The following PYGB variants were observed in gnomAD, a reference collection of about 807,000 sequenced individuals.
The protein encoded by PYGB is glycogen phosphorylase, brain form.
In PYGB, 82 loss-of-function variants were observed where a neutral mutation model predicts 94.3. The observed-to-expected ratio is 0.87, with a 90% CI of 0.73 to 1.04. The LOEUF (loss-of-function observed/expected upper bound fraction) is 1.04. PYGB is among the 50% of genes least tolerant of loss of function. The pLI, the probability that PYGB is intolerant of heterozygous loss-of-function variation, is 0.00. For synonymous variants in PYGB, 488 were observed against 479.1 expected, an observed-to-expected ratio of 1.02 and a Z score of -0.24; for missense variants, 1,132 against 1,158.2, an observed-to-expected ratio of 0.98 and a Z score of 0.33.
intron 1 of PYGB, among the ~76,000 whole-genome samples, chr20:25,257,258 C>G (rs1008877783): frequency 6.6e-6 from 1 of 152,250 alleles, no homozygotes; most frequent in Admixed American, 6.5e-5. Flanking sequence ...ATTGCAGTCC[C>G]CAAGGACAGA....
Position 25,278,405 on chromosome 20 carries a change from G to A in PYGB, c.942G>A (p.Ser314=), listed in dbSNP as rs572592143. 12 of 1,614,188 alleles carry A rather than the reference G, an allele frequency of 7.4e-6. No individual in the cohort carries two copies. The highest frequency in any genetic ancestry group is 4.4e-5 in the South Asian group (4 of 91,084). ...AGGACATCATCCGCCGCTTCAAGTC[G>A]TCCAAGTTCGGCTGCCGGGACCCTG... ...TLQDIIRRFK[S]SKFGCRDPVR... Residue 314 remains serine (S), a synonymous_variant, in exon 8 of 20, where the codon TCG becomes TCA. Coordinates refer to ENST00000216962, the MANE Select transcript of PYGB (RefSeq NM_002862.4).
intron 7 of PYGB, among the ~76,000 whole-genome samples, chr20:25,277,905 T>C (rs2088328090): frequency 6.6e-6 from 1 of 152,214 alleles, no homozygotes. Flanking sequence ...GGGCAGAGCA[T>C]GTTTAAAAGT....
chr20:25,262,189 AAGTTG>A (rs1352606374), intron 2 of PYGB, among the ~76,000 whole-genome samples: 4 of 152,234 alleles, frequency 2.6e-5, no homozygotes, highest in African/African-American at 4.8e-5. Flanking sequence ...AGATTCACCA[AAGTTG>A]AAATGAAGGA....
intron 9 of PYGB, 143 bp from the exon 10 acceptor site, chr20:25,280,123 C>A: frequency 2.0e-6 from 2 of 1,001,794 alleles, no homozygotes; most frequent in Non-Finnish European, 2.9e-6. Flanking sequence ...TCCAGATCCA[C>A]CTTGGAGAGC....
chr20:25,288,639 C>A, intron 15 of PYGB, 156 bp downstream of exon 15: 1 of 834,126 alleles, frequency 1.2e-6, no homozygotes, highest in Non-Finnish European at 1.9e-6. Context: ...GGGTGGGGAC[C>A]CTGTAGAGAG....
chr20:25,287,305 G>A (rs866017229), intron 14 of PYGB, among the ~76,000 whole-genome samples: 1 of 152,202 alleles, frequency 6.6e-6, no homozygotes, highest in African/African-American at 2.4e-5. Context: ...CAGCCACAAG[G>A]CTGAGGTTGC....
intron 14 of PYGB, 48 bp from the exon 15 acceptor site, chr20:25,288,377 C>G: frequency 6.2e-7 from 1 of 1,608,894 alleles, no homozygotes; most frequent in Admixed American, 1.7e-5. Context: ...AGCAGGGGCT[C>G]GTCCGGCTCG....
intron 2 of PYGB, among the ~76,000 whole-genome samples, chr20:25,259,909 A>G (rs1376876717): frequency 6.6e-6 from 1 of 152,066 alleles, no homozygotes; most frequent in Non-Finnish European, 1.5e-5. Flanking sequence ...TTCCCTTCCC[A>G]GCTGAGTCTC....
chr20:25,248,559 G>T, intron 1 of PYGB, 138 bp downstream of exon 1: 2 of 1,137,166 alleles, frequency 1.8e-6, no homozygotes, highest in African/African-American at 3.2e-5. Context: ...AGGCACAGCC[G>T]ACTGGGGAGT....
chr20:25,271,601 C>T (rs541878248), intron 4 of PYGB, 115 bp downstream of exon 4: 53 of 1,144,010 alleles, frequency 4.6e-5, no homozygotes, highest in South Asian at 2.2e-4. Flanking sequence ...GACTGCAGGC[C>T]GGCCAGGGCA....
intron 5 of PYGB, among the ~76,000 whole-genome samples, chr20:25,275,536 T>C (rs532135129): frequency 2.0e-5 from 3 of 152,356 alleles, no homozygotes; most frequent in Non-Finnish European, 4.4e-5. Flanking sequence ...GTCTTGACTT[T>C]GTAGGACACA....
intron 1 of PYGB, among the ~76,000 whole-genome samples, chr20:25,250,489 G>C (rs2145125): frequency 0.065 from 9,892 of 152,268 alleles, 993 homozygotes; most frequent in African/African-American, 0.22. Flanking sequence ...ATCTCACAGT[G>C]TGTAAATAAG....
At chr20:25,285,249 T>G (rs2088407168) in intron 14 of PYGB, 1 of 152,210 alleles carries the variant, frequency 6.6e-6, no homozygotes, top group African/African-American at 2.4e-5. Context: ...GAACTTTGCA[T>G]CATCTTTCCT....
At position 25,296,503 on chromosome 20, in the gene PYGB, C is replaced by G. The variant is rs201566117; in HGVS notation, c.2513C>G (p.Pro838Arg). The G allele has an allele frequency of 1.1e-5, 18 of 1,613,466 alleles. No homozygotes were observed. The African/African-American group carries it at 1.2e-4, about 11-fold the overall frequency. The change falls in exon 20 of 20, where the codon CCC becomes CGC. Residue 838 changes from proline to arginine, a missense_variant. Transcript: ENST00000216962. ...CCCTCCGACCTGCAGATCCCGCCCC[C>G]CAACATCCCCCGGGACTAGGCACAC... is the stretch of plus-strand genomic sequence containing the variant. ...VEPSDLQIPP[P>R]NIPRD
chr20:25,284,850 C>A (rs749291622), intron 14 of PYGB: 2 of 152,248 alleles, frequency 1.3e-5, no homozygotes, highest in South Asian at 4.1e-4. Context: ...TAAATTTACA[C>A]ATGCATCTTA....
At chr20:25,292,709 G>T in intron 17 of PYGB, 96 bp downstream of exon 17, 2 of 1,440,052 alleles carry the variant, frequency 1.4e-6, no homozygotes, top group South Asian at 2.7e-5. Flanking sequence ...CTTGGGGCCA[G>T]GCCACTGTGT....
intron 1 of PYGB, among the ~76,000 whole-genome samples, chr20:25,252,610 A>G (rs918572677): frequency 3.9e-5 from 6 of 152,350 alleles, no homozygotes; most frequent in Middle Eastern, 6.8e-3. Flanking sequence ...ACTTGCGTTT[A>G]CCAATTACTT....
chr20:25,261,480 A>T (rs2092913433), intron 2 of PYGB, among the ~76,000 whole-genome samples: 1 of 152,244 alleles, frequency 6.6e-6, no homozygotes, highest in African/African-American at 2.4e-5. Flanking sequence ...CCCCGTCTGT[A>T]CGTCACCATC....
intron 1 of PYGB, among the ~76,000 whole-genome samples, chr20:25,257,669 A>G (rs990596560): frequency 3.3e-5 from 5 of 152,230 alleles, no homozygotes; most frequent in African/African-American, 4.8e-5. Context: ...ATCTCTTAAA[A>G]AAAAATATAC....
Sources: gnomAD v4.1 joint callset for allele counts (sites outside exome capture counted in the v4.1 genomes callset) on GRCh38, gnomAD v4.1.1 for gene constraint, MANE v1.5 for transcripts, NCBI Gene and HGNC (gene_info 2026-07-23, HGNC 2026-07-21) for gene names.